The following LHX6 variants were observed in gnomAD, a reference collection of about 807,000 sequenced individuals.
LHX6 encodes LIM homeobox 6.
LHX6 carries 15 observed loss-of-function variants against 47.1 expected under a neutral mutation model. That is an observed-to-expected ratio of 0.32 (90% CI 0.21 to 0.49). The LOEUF (loss-of-function observed/expected upper bound fraction) is 0.49. Ranked by LOEUF, LHX6 falls within the 20% of genes least tolerant of loss-of-function variation. LHX6 has a pLI of 0.99. For synonymous variants in LHX6, 242 were observed against 233.5 expected (o/e 1.04, Z -0.33); for missense variants, 404 against 539.6 (o/e 0.75, Z 2.49).
chr9:122,228,485 G>C (rs1246489505), intron 1 of LHX6, 172 bp downstream of exon 1: 9 of 1,262,694 alleles, frequency 7.1e-6, no homozygotes, highest in African/African-American at 4.9e-5. Flanking sequence ...CGCTTTCCGC[G>C]ACCCCCCCCC....
At chr9:122,205,518 A>G (rs1830145075) in intron 9 of LHX6, among the ~76,000 whole-genome samples, 1 of 152,162 alleles carries the variant, frequency 6.6e-6, no homozygotes. Flanking sequence ...AGTTCAGGTC[A>G]AGGATCACTG....
intron 4 of LHX6, among the ~76,000 whole-genome samples, chr9:122,223,677 T>C (rs1412217902): frequency 1.1e-4 from 16 of 152,158 alleles, no homozygotes; most frequent in Non-Finnish European, 2.9e-5. Context: ...CCCTACTCTC[T>C]ACCCCATTGC....
intron 4 of LHX6, among the ~76,000 whole-genome samples, chr9:122,222,576 C>T (rs1220637738): frequency 2.0e-5 from 3 of 152,194 alleles, no homozygotes; most frequent in Non-Finnish European, 2.9e-5. Flanking sequence ...CAACCTCTCC[C>T]AACAATGCAA....
At chr9:122,225,289 G>C (rs935558393) in intron 4 of LHX6, among the ~76,000 whole-genome samples, 1 of 152,238 alleles carries the variant, frequency 6.6e-6, no homozygotes. Flanking sequence ...AAAGCACTTG[G>C]GAACAAGCAT....
Position 122,213,409 on chromosome 9 carries a change from C to T in LHX6, c.1054+197G>A, listed in dbSNP as rs544124044. Reference sequence around the variant, plus strand: ...GAATCGCTTGCCTCTATGAAGGATCCCGCTCCACTGAGGCAGAGCCGAAGA... The same window carrying T: ...GAATCGCTTGCCTCTATGAAGGATCTCGCTCCACTGAGGCAGAGCCGAAGA... On this transcript the variant is annotated intron_variant, in intron 8 of 9. Coordinates refer to ENST00000394319, the MANE Select transcript of LHX6 (RefSeq NM_014368.5). This position sits in a 1 kb window ranked among gnomAD's most constrained non-coding sequence, Gnocchi z 5.5. Among the ~76,000 whole-genome samples the T allele has an allele frequency of 1.3e-5, 2 of 152,248 alleles. No homozygotes were observed. The highest frequency in any genetic ancestry group is 4.8e-5 in the African/African-American group (2 of 41,528).
chr9:122,225,139 C>T (rs1831040291), intron 4 of LHX6, among the ~76,000 whole-genome samples: 1 of 152,172 alleles, frequency 6.6e-6, no homozygotes, highest in Non-Finnish European at 1.5e-5. Context: ...CCACCATATT[C>T]CCTGACTCCC....
intron 4 of LHX6, among the ~76,000 whole-genome samples, chr9:122,223,511 T>A (rs1469788650): frequency 1.3e-5 from 2 of 152,118 alleles, no homozygotes; most frequent in Non-Finnish European, 2.9e-5. Context: ...TTAGGGAGCC[T>A]TTATAGAGAC....
rs1831108943 is a variant in LHX6 at position 122,226,540 on chromosome 9, C to T, written c.340-43G>A. 5 of 1,595,896 alleles carry T rather than the reference C, an allele frequency of 3.1e-6. No homozygotes were observed. The South Asian group carries it at 3.4e-5, about 11-fold the overall frequency. ...ACGGAGGTCGGCTCAGCGCGGGCCT[C>T]TTTCACTCCGGGCCCCAGCCTTCCC... On this transcript the variant is annotated intron_variant, in intron 3 of 9. Transcript: ENST00000394319. This position sits in a 1 kb window ranked among gnomAD's most constrained non-coding sequence, Gnocchi z 6.5.
chr9:122,217,386 CCT>C lies in LHX6; in HGVS notation c.462-100_462-99del, dbSNP rs1241402607. On this transcript the variant is annotated intron_variant, in intron 4 of 9. Coordinates refer to ENST00000394319, the MANE Select transcript of LHX6 (RefSeq NM_014368.5). This position sits in a 1 kb window ranked among gnomAD's most constrained non-coding sequence, Gnocchi z 4.9. ...GGCCCGCCAGCCCCCAGGCTCCTGGCCTCTAAGTCTTCAACTCAGGCATTAGC... is the reference window on the plus strand; with the variant it reads ...GGCCCGCCAGCCCCCAGGCTCCTGGCCTAAGTCTTCAACTCAGGCATTAGC... 1 of 960,950 alleles carries C rather than the reference CCT, an allele frequency of 1.0e-6. No individual in the cohort carries two copies. Among genetic ancestry groups the C allele is most frequent in the African/African-American group, 1.6e-5 (1 of 61,786 alleles). The allele number at this position is 960,950 out of a possible 1,614,324, so 59.5% of individuals were successfully genotyped here.
At position 122,204,519 on chromosome 9, in the gene LHX6, T is replaced by G; in HGVS notation, c.*241A>C. On this transcript the variant is annotated 3_prime_UTR_variant, in exon 10 of 10. Coordinates refer to ENST00000394319, the MANE Select transcript of LHX6 (RefSeq NM_014368.5). ...AAAAACAGGCTGTTTCCACCCTGAT[T>G]CCAGATTTCAGGGAGTTCTGCCTTC... 2.4e-6 allele frequency: 1 copy of G among 424,374 alleles called. No individual in the cohort carries two copies. The highest frequency in any genetic ancestry group is 4.2e-6 in the Non-Finnish European group (1 of 238,414). 26.3% of individuals were successfully genotyped at this position (424,374 alleles called of 1,614,324 possible).
At chr9:122,221,471 C>T in intron 4 of LHX6, 1 of 985,542 alleles carries the variant, frequency 1.0e-6, no homozygotes, top group Non-Finnish European at 1.2e-6. Flanking sequence ...AGCTTGGGCT[C>T]AAGGCGGAGG....
intron 4 of LHX6, among the ~76,000 whole-genome samples, chr9:122,218,798 A>G (rs1830696997): frequency 6.6e-6 from 1 of 152,188 alleles, no homozygotes; most frequent in East Asian, 1.9e-4. Context: ...GTCAGCCACA[A>G]TGGAAGGTCA....
intron 9 of LHX6, among the ~76,000 whole-genome samples, chr9:122,208,760 A>G (rs1036006596): frequency 6.6e-6 from 1 of 150,556 alleles, no homozygotes; most frequent in Non-Finnish European, 1.5e-5. Context: ...ACCTGAACCC[A>G]GGAGGTGGAG....
rs780236857 is a variant in LHX6, at chr9:122,226,534, G to T, written c.340-37C>A. ...GCGGGGACGGAGGTCGGCTCAGCGC[G>T]GGCCTCTTTCACTCCGGGCCCCAGC... On this transcript the variant is annotated intron_variant, in intron 3 of 9. Transcript: ENST00000394319. The surrounding 1 kb of genome is among the most constrained non-coding windows in gnomAD (Gnocchi z 6.5). 3 of 1,600,252 alleles carry T rather than the reference G, an allele frequency of 1.9e-6. No individual in the cohort carries two copies. The highest frequency in any genetic ancestry group is 2.6e-6 in the Non-Finnish European group (3 of 1,176,036).
Position 122,213,839 on chromosome 9 carries a change from G to A in LHX6, c.880-59C>T, listed in dbSNP as rs1008332440. ...GGAAAAGAGTCGGACGCGCCGCCGG[G>A]AGACCCCAGGCGGGACTGCCTCGTC... On this transcript the variant is annotated intron_variant, in intron 7 of 9. Coordinates refer to ENST00000394319, the MANE Select transcript of LHX6 (RefSeq NM_014368.5). This position sits in a 1 kb window ranked among gnomAD's most constrained non-coding sequence, Gnocchi z 5.5. 1 of 1,541,384 alleles carries A rather than the reference G, an allele frequency of 6.5e-7. No individual in the cohort carries two copies. The highest frequency in any genetic ancestry group is 8.8e-7 in the Non-Finnish European group (1 of 1,142,590).
chr9:122,220,103 C>A (rs1830781418), intron 4 of LHX6, among the ~76,000 whole-genome samples: 1 of 152,262 alleles, frequency 6.6e-6, no homozygotes, highest in Admixed American at 6.5e-5. Context: ...AGACTCTCCG[C>A]GCACCGCGAT....
chr9:122,206,277 T>A (rs1372939544), intron 9 of LHX6, among the ~76,000 whole-genome samples: 2 of 151,664 alleles, frequency 1.3e-5, no homozygotes, highest in African/African-American at 2.4e-5. Flanking sequence ...TCTAGATGAG[T>A]GGGTTCAGGG....
intron 4 of LHX6, among the ~76,000 whole-genome samples, chr9:122,225,377 C>T (rs1831051436): frequency 6.6e-6 from 1 of 152,254 alleles, no homozygotes; most frequent in African/African-American, 2.4e-5. Flanking sequence ...CCAGTTGATG[C>T]CTCCCACTGG....
At chr9:122,209,153 CA>C (rs903035745) in intron 9 of LHX6, among the ~76,000 whole-genome samples, 1 of 152,252 alleles carries the variant, frequency 6.6e-6, no homozygotes, top group Non-Finnish European at 1.5e-5. Context: ...AAGCCTGAGA[CA>C]ACCAGAAATC....
Sources: allele counts gnomAD v4.1 joint callset (sites outside exome capture counted in the v4.1 genomes callset), GRCh38; gene constraint gnomAD v4.1.1; non-coding constraint Gnocchi (gnomAD v3.1); transcripts MANE v1.5; gene names NCBI Gene and HGNC (gene_info 2026-07-23, HGNC 2026-07-21).